The following SGCD variants were observed in gnomAD, a reference collection of about 807,000 sequenced individuals.
SGCD encodes the protein sarcoglycan delta.
In SGCD, 18 loss-of-function variants were observed where a neutral mutation model predicts 36.6. That is an observed-to-expected ratio of 0.49 (90% CI 0.34 to 0.73). The LOEUF is 0.73. SGCD is among the 30% of genes least tolerant of loss of function. SGCD has a pLI of 0.01. For missense variants in SGCD, 387 were observed against 346.7 expected, an observed-to-expected ratio of 1.12 and a Z score of -0.92; for synonymous variants, 133 against 130.6, an observed-to-expected ratio of 1.02 and a Z score of -0.12.
chr5:156,437,063 C>T (rs569148027), intron 3 of SGCD, among the ~76,000 whole-genome samples: 2 of 152,052 alleles, frequency 1.3e-5, no homozygotes, highest in African/African-American at 2.4e-5. Context: ...TTGCTACGTT[C>T]AAATACCAAA....
chr5:156,727,660 T>G (rs1367178531), intron 7 of SGCD, among the ~76,000 whole-genome samples: 1 of 147,052 alleles, frequency 6.8e-6, no homozygotes, highest in Admixed American at 7.1e-5. Flanking sequence ...ACTGTGAAGT[T>G]AGATCTGGGT....
intron 3 of SGCD, among the ~76,000 whole-genome samples, chr5:156,225,822 A>T (rs1764840326): frequency 6.6e-6 from 1 of 152,122 alleles, no homozygotes; most frequent in African/African-American, 2.4e-5. Context: ...AATATTAAAA[A>T]AAAAACCTTA....
At chr5:155,910,690 T>C (rs1177081057) in intron 1 of SGCD, among the ~76,000 whole-genome samples, 1 of 152,118 alleles carries the variant, frequency 6.6e-6, no homozygotes, top group African/African-American at 2.4e-5. Context: ...TTTTTCCTCC[T>C]TGAGGATAGA....
the SGCD span, among the ~76,000 whole-genome samples, chr5:155,767,448 C>G: frequency 6.6e-6 from 1 of 152,192 alleles, no homozygotes; most frequent in African/African-American, 2.4e-5. Flanking sequence ...AAACAAACTA[C>G]ATTTTCTGCT....
At chr5:156,020,452 A>T (rs1165703932) in intron 1 of SGCD, among the ~76,000 whole-genome samples, 1 of 152,130 alleles carries the variant, frequency 6.6e-6, no homozygotes, top group Non-Finnish European at 1.5e-5. Flanking sequence ...TTATCACATC[A>T]TATGGGCGCA....
chr5:155,906,608 C>T (rs999111441), intron 1 of SGCD, among the ~76,000 whole-genome samples: 1 of 152,122 alleles, frequency 6.6e-6, no homozygotes, highest in South Asian at 2.1e-4. Context: ...ATGAAACCAG[C>T]CACAACATTC....
the SGCD span, among the ~76,000 whole-genome samples, chr5:155,849,306 T>C: frequency 6.6e-6 from 1 of 152,136 alleles, no homozygotes; most frequent in African/African-American, 2.4e-5. Context: ...ACTGAAATAT[T>C]AATGAGCTAA....
chr5:156,509,617 T>C (rs1257584050), intron 4 of SGCD, among the ~76,000 whole-genome samples: 3 of 152,228 alleles, frequency 2.0e-5, no homozygotes, highest in African/African-American at 7.2e-5. Flanking sequence ...AATTGAGGCT[T>C]GGAGAAGTTT....
intron 1 of SGCD, among the ~76,000 whole-genome samples, chr5:156,086,942 A>G (rs1761110911): frequency 6.6e-6 from 1 of 152,196 alleles, no homozygotes; most frequent in Non-Finnish European, 1.5e-5. Flanking sequence ...GTTAAAGGAC[A>G]TTGGAATGGA....
chr5:156,129,327 T>C (rs1217288680), intron 3 of SGCD, among the ~76,000 whole-genome samples: 1 of 152,202 alleles, frequency 6.6e-6, no homozygotes, highest in African/African-American at 2.4e-5. Flanking sequence ...AATGTACAGA[T>C]GTAGAAACTG....
At chr5:156,194,314 G>A (rs1360282327) in intron 3 of SGCD, among the ~76,000 whole-genome samples, 1 of 152,122 alleles carries the variant, frequency 6.6e-6, no homozygotes, top group Non-Finnish European at 1.5e-5. Context: ...GGGAGGTAGA[G>A]GTTGCACTGA....
chr5:156,638,524 A>T (rs1371262716), intron 6 of SGCD, among the ~76,000 whole-genome samples: 4 of 152,184 alleles, frequency 2.6e-5, no homozygotes, highest in African/African-American at 7.2e-5. Context: ...CTTATCGCTG[A>T]TGCTTTGTTT....
Position 156,441,125 on chromosome 5 carries a change from C to T in SGCD, c.193-67476C>T, listed in dbSNP as rs1035832362. ...GCCCCCTGGTAGGTGGCGTCAGGAG[C>T]AGTGTTGGTGGGAGTGGCTTTGGAG... On this transcript the variant is annotated intron_variant, in intron 3 of 8. Transcript: ENST00000337851. Among the ~76,000 whole-genome samples, 4 of 152,212 alleles carry T rather than the reference C, an allele frequency of 2.6e-5. No individual in the cohort carries two copies. In the South Asian group the frequency reaches 8.3e-4, roughly 32 times the overall value.
chr5:156,661,731 T>C (rs1413605613), intron 7 of SGCD, among the ~76,000 whole-genome samples: 1 of 151,142 alleles, frequency 6.6e-6, no homozygotes, highest in Non-Finnish European at 1.5e-5. Flanking sequence ...TCCCACAAAA[T>C]TAGCAAGACC....
intron 7 of SGCD, among the ~76,000 whole-genome samples, chr5:156,661,531 C>CCGAT (rs1763921444): frequency 7.4e-6 from 1 of 135,988 alleles, no homozygotes; most frequent in Non-Finnish European, 1.5e-5. Context: ...GCTCTTTGAG[C>CCGAT]CGATTGATAT....
rs901684486 is a variant in SGCD at position 156,766,597 on chromosome 5, AG to A, written c.*7209del. ...CACTGGCATCCTAGATTCAGCAATGAGGTTTGGTGGTGTTTCAACTAGGAAG... is the reference window on the plus strand; with the variant it reads ...CACTGGCATCCTAGATTCAGCAATGAGTTTGGTGGTGTTTCAACTAGGAAG... On this transcript the variant is annotated 3_prime_UTR_variant, in exon 9 of 9. Coordinates refer to ENST00000337851, the MANE Select transcript of SGCD (RefSeq NM_000337.6). The A allele has an allele frequency of 1.4e-4, 21 of 147,560 alleles. No homozygotes were observed. Among genetic ancestry groups the A allele is most frequent in the African/African-American group, 5.3e-4 (21 of 39,580 alleles). 9.1% of individuals were successfully genotyped at this position (147,560 alleles called of 1,614,324 possible). A position where few individuals can be genotyped will look rare whatever the true frequency, so the allele number is the denominator to read the frequency against.
chr5:155,895,423 G>A (rs1756228451), intron 1 of SGCD, among the ~76,000 whole-genome samples: 1 of 152,170 alleles, frequency 6.6e-6, no homozygotes, highest in South Asian at 2.1e-4. Context: ...TGGAGAGAGA[G>A]ATAGTAGTTG....
intron 1 of SGCD, among the ~76,000 whole-genome samples, chr5:155,887,799 A>G (rs1285004165): frequency 6.6e-6 from 1 of 152,170 alleles, no homozygotes; most frequent in Non-Finnish European, 1.5e-5. Flanking sequence ...CTCTCCATCA[A>G]TTATTCATTA....
chr5:155,803,707 G>A, the SGCD span, among the ~76,000 whole-genome samples: 1 of 152,156 alleles, frequency 6.6e-6, no homozygotes, highest in Admixed American at 6.5e-5. Flanking sequence ...AATCCAGGAG[G>A]CAGATTTTGG....
Sources: allele counts gnomAD v4.1 joint callset (sites outside exome capture counted in the v4.1 genomes callset), GRCh38; gene constraint gnomAD v4.1.1; transcripts MANE v1.5; gene names NCBI Gene and HGNC (gene_info 2026-07-23, HGNC 2026-07-21).